The following CFAP36 variants were observed in gnomAD, a reference collection of about 807,000 sequenced individuals.
The protein encoded by CFAP36 is cilia- and flagella-associated protein 36.
In CFAP36, 37 loss-of-function variants were observed where a neutral mutation model predicts 50.5. The ratio of observed to expected loss-of-function variants is 0.73; its 90% CI spans 0.56 to 0.96. The LOEUF (loss-of-function observed/expected upper bound fraction) is 0.96. Among genes scored for constraint, CFAP36 ranks in the 50% least tolerant of loss-of-function variants. CFAP36 has a pLI of 0.00. For synonymous variants in CFAP36, 138 were observed against 128.2 expected, an observed-to-expected ratio of 1.08 and a Z score of -0.52; for missense variants, 407 against 396.2, an observed-to-expected ratio of 1.03 and a Z score of -0.23.
chr2:55,541,244 A>T (rs557488980), intron 7 of CFAP36, among the ~76,000 whole-genome samples: 14 of 152,240 alleles, frequency 9.2e-5, no homozygotes, highest in African/African-American at 3.4e-4. Context: ...GAATCGCTTG[A>T]ACCCGGGAGG....
chr2:55,539,649 T>C (rs1035879221), intron 7 of CFAP36: 2 of 152,236 alleles, frequency 1.3e-5, no homozygotes, highest in African/African-American at 4.8e-5. Flanking sequence ...TGAGCATGAT[T>C]GTTATATCTT....
chr2:55,526,497 A>G (rs1684211630), intron 3 of CFAP36, among the ~76,000 whole-genome samples: 2 of 152,194 alleles, frequency 1.3e-5, no homozygotes, highest in African/African-American at 4.8e-5. Flanking sequence ...GCTGGACTGC[A>G]GTCGCTCAGT....
At chr2:55,533,678 G>GA (rs1184728397) in intron 4 of CFAP36, among the ~76,000 whole-genome samples, 195 bp from the exon 5 acceptor site, 4 of 132,172 alleles carry the variant, frequency 3.0e-5, no homozygotes, top group African/African-American at 1.1e-4. Context: ...CTGGGCGACA[G>GA]AAAGAGACTC....
chr2:55,539,621 C>A (rs1021282649), intron 7 of CFAP36: 5 of 152,208 alleles, frequency 3.3e-5, no homozygotes, highest in Non-Finnish European at 7.4e-5. Context: ...GCTTTCAGCT[C>A]CTTTGGGTAA....
chr2:55,537,593 T>G lies in CFAP36; in HGVS notation c.640+8T>G. 6.4e-7 allele frequency: 1 copy of G among 1,564,304 alleles called. No individual in the cohort carries two copies. Among genetic ancestry groups the G allele is most frequent in the Non-Finnish European group, 8.7e-7 (1 of 1,144,206 alleles). On this transcript the variant is annotated splice_region_variant and intron_variant, in intron 7 of 9. Transcript: ENST00000349456. The stretch of plus-strand genomic sequence containing the variant: ...TTGCACACCCACCCTCAGGTAAGGT[T>G]GAGGTGTACTGAACTTTCTCTAATA...
rs759410915 is a variant in CFAP36 at position 55,519,759 on chromosome 2, C to T, written c.-43C>T. The T allele has an allele frequency of 2.5e-6, 4 of 1,600,510 alleles. No homozygotes were observed. Among genetic ancestry groups the T allele is most frequent in the African/African-American group, 2.7e-5 (2 of 74,678 alleles). Reference sequence around the variant, plus strand: ...GCCCAAAGGCCTAACCGGGGTCCGGCGGTCTGGCCTAGGGATCTTCCCCGT... The same window carrying T: ...GCCCAAAGGCCTAACCGGGGTCCGGTGGTCTGGCCTAGGGATCTTCCCCGT... On this transcript the variant is annotated 5_prime_UTR_variant, in exon 1 of 10. Transcript: ENST00000349456.
Position 55,533,899 on chromosome 2 carries a change from G to A in CFAP36, c.424G>A (p.Gly142Ser). ...NGVLPDCLTD[G>S]SDVVSDLEHE... ...TGTATTACCTGACTGCTTAACCGATGGCTCTGATGTGGTCAGTGACCTTGA... is the reference window on the plus strand; with the variant it reads ...TGTATTACCTGACTGCTTAACCGATAGCTCTGATGTGGTCAGTGACCTTGA... Residue 142 changes from glycine (G) to serine (S), a missense_variant, in exon 5 of 10, where the codon GGC (glycine) becomes AGC (serine). Physicochemically the swap from Gly to Ser is moderately conservative, Grantham distance 56 (BLOSUM62 0). Transcript: ENST00000349456. The A allele has an allele frequency of 6.2e-7, 1 of 1,611,068 alleles. No individual in the cohort carries two copies. The highest frequency in any genetic ancestry group is 1.7e-5 in the Admixed American group (1 of 59,740).
chr2:55,527,059 T>G (rs554308334), intron 3 of CFAP36, among the ~76,000 whole-genome samples: 4 of 152,170 alleles, frequency 2.6e-5, no homozygotes, highest in African/African-American at 9.6e-5. Context: ...ATAATTTAAA[T>G]GTTATTGGTA....
intron 2 of CFAP36, 53 bp downstream of exon 2, chr2:55,522,219 T>C (rs532643305): frequency 1.7e-5 from 15 of 880,944 alleles, no homozygotes; most frequent in African/African-American, 8.6e-5. Flanking sequence ...ATACTACTTA[T>C]AGCTTTTCTA....
At chr2:55,534,543 G>C (rs1032182807) in intron 5 of CFAP36, among the ~76,000 whole-genome samples, 1 of 152,156 alleles carries the variant, frequency 6.6e-6, no homozygotes, top group Admixed American at 6.5e-5. Context: ...CTAAGAAATG[G>C]TAATGGACAT....
chr2:55,531,000 G>A (rs750336352), intron 4 of CFAP36: 2 of 152,168 alleles, frequency 1.3e-5, no homozygotes, highest in Non-Finnish European at 2.9e-5. Context: ...TTTGACTGAT[G>A]TGAGTAGAGA....
At chr2:55,534,526 C>A (rs1406181761) in intron 5 of CFAP36, among the ~76,000 whole-genome samples, 1 of 152,166 alleles carries the variant, frequency 6.6e-6, no homozygotes, top group Non-Finnish European at 1.5e-5. Flanking sequence ...ATGGGGTCCA[C>A]ACAGAACTAA....
At chr2:55,521,426 A>T in intron 1 of CFAP36, among the ~76,000 whole-genome samples, 1 of 152,172 alleles carries the variant, frequency 6.6e-6, no homozygotes, top group South Asian at 2.1e-4. Flanking sequence ...ATAATATGGA[A>T]CCTATTGTAA....
chr2:55,537,039 G>A (rs1412312146), intron 6 of CFAP36, among the ~76,000 whole-genome samples: 3 of 152,114 alleles, frequency 2.0e-5, no homozygotes, highest in South Asian at 2.1e-4. Context: ...CACTGTGCCC[G>A]GCCAAAAGTA....
At chr2:55,520,285 A>T (rs138256997) in intron 1 of CFAP36, 1 of 912,722 alleles carries the variant, frequency 1.1e-6, no homozygotes, top group African/African-American at 1.7e-5. Context: ...GGCTTCTTCA[A>T]CAGCTTTGCC....
chr2:55,537,023 A>T (rs1684506560), intron 6 of CFAP36, among the ~76,000 whole-genome samples: 1 of 151,938 alleles, frequency 6.6e-6, no homozygotes. Flanking sequence ...GATTACAGAC[A>T]TGAGCCACTG....
In CFAP36 at chr2:55,533,957, T is replaced by G; in HGVS notation, c.482T>G (p.Leu161Arg). ...GAGATGAAAATCCTGAGGGAAGTTCTTAGGTACCATTCTTTAATTGTTTTT... is the reference window on the plus strand; with the variant it reads ...GAGATGAAAATCCTGAGGGAAGTTCGTAGGTACCATTCTTTAATTGTTTTT... ...HEEMKILREV[L>R]RKSKEEYDQE... The change falls in exon 5 of 10, where the codon CTT becomes CGT. Residue 161 changes from leucine (L) to arginine (R), a missense_variant. Physicochemically the swap from Leu to Arg is moderately radical, Grantham distance 102. Coordinates refer to ENST00000349456, the MANE Select transcript of CFAP36 (RefSeq NM_080667.7). 1 of 1,581,396 alleles carries G rather than the reference T, an allele frequency of 6.3e-7. No homozygotes were observed. The highest frequency in any genetic ancestry group is 8.7e-7 in the Non-Finnish European group (1 of 1,152,184).
chr2:55,539,267 C>T (rs530289902), intron 7 of CFAP36: 1 of 152,708 alleles, frequency 6.5e-6, no homozygotes, highest in African/African-American at 2.4e-5. Context: ...TGTGCTCTGC[C>T]TATTCATCCT....
At position 55,525,642 on chromosome 2, in the gene CFAP36, T is replaced by C. The variant is rs558085323; in HGVS notation, c.282+1820T>C. 8.2e-4 allele frequency among the ~76,000 whole-genome samples: 124 copies of C among 152,146 alleles called. 1 individual carries two copies. In the South Asian group the frequency reaches 0.023, roughly 28 times the overall value. On this transcript the variant is annotated intron_variant, in intron 3 of 9. Coordinates refer to ENST00000349456, the MANE Select transcript of CFAP36 (RefSeq NM_080667.7). ...CAGGTAACTTGCTCTCTTTTTTTTTTCTTTTGAGATAGAGTTTCGCTCTTG... is the reference window on the plus strand; with the variant it reads ...CAGGTAACTTGCTCTCTTTTTTTTTCCTTTTGAGATAGAGTTTCGCTCTTG...
Sources: gnomAD v4.1 joint callset for allele counts (sites outside exome capture counted in the v4.1 genomes callset) on GRCh38, gnomAD v4.1.1 for gene constraint, MANE v1.5 for transcripts, NCBI Gene and HGNC (gene_info 2026-07-23, HGNC 2026-07-21) for gene names.